The following MTUS2 variants were observed in gnomAD, a reference collection of about 807,000 sequenced individuals.
The protein encoded by MTUS2 is microtubule-associated tumor suppressor candidate 2.
MTUS2 carries 40 observed loss-of-function variants against 114.1 expected under a neutral mutation model. The observed-to-expected ratio is 0.35, with a 90% CI of 0.27 to 0.46. The LOEUF (loss-of-function observed/expected upper bound fraction) is 0.46. Among genes scored for constraint, MTUS2 ranks in the 20% least tolerant of loss-of-function variants. The pLI is 1.00. For synonymous variants in MTUS2, 688 were observed against 672.0 expected (o/e 1.02, Z -0.37); for missense variants, 1,679 against 1,705.4 (o/e 0.98, Z 0.27).
At chr13:29,063,763 C>T (rs894028533) in intron 4 of MTUS2, among the ~76,000 whole-genome samples, 6 of 152,216 alleles carry the variant, frequency 3.9e-5, no homozygotes, top group African/African-American at 1.2e-4. Context: ...CACATCTGCT[C>T]AGTATTTCTG....
chr13:29,271,359 A>G (rs1383328936), intron 5 of MTUS2, among the ~76,000 whole-genome samples: 2 of 152,036 alleles, frequency 1.3e-5, no homozygotes, highest in East Asian at 1.9e-4. Context: ...TTTCCTCCCG[A>G]ATTTTACTCT....
In MTUS2 at chr13:29,348,365, G is replaced by A. The variant is rs575417808; in HGVS notation, c.2906-10897G>A. On this transcript the variant is annotated intron_variant, in intron 7 of 15. Transcript: ENST00000612955. ...TCCATATCACTCAGCAAAGTGCAAG[G>A]CTTTTAGGAGCTCTGTGTCAGAAGT... Among the ~76,000 whole-genome samples the A allele has an allele frequency of 7.9e-3, 1,150 of 145,996 alleles. 14 individuals carry two copies. The highest frequency in any genetic ancestry group is 0.027 in the African/African-American group (1,102 of 40,996).
intron 2 of MTUS2, among the ~76,000 whole-genome samples, chr13:28,991,214 C>T (rs778560119): frequency 6.6e-6 from 1 of 152,110 alleles, no homozygotes; most frequent in Admixed American, 6.6e-5. Context: ...AGTTAGGGTC[C>T]CTGCTGCTCT....
At chr13:29,141,900 C>G (rs9579293) in intron 5 of MTUS2, among the ~76,000 whole-genome samples, 58,352 of 149,580 alleles carry the variant, frequency 0.39, 13,519 homozygotes, top group Non-Finnish European at 0.48. Flanking sequence ...CACGCTGTTG[C>G]CCAGGCTGGA....
chr13:29,487,658 T>G (rs1881723873), intron 10 of MTUS2: 1 of 540,536 alleles, frequency 1.9e-6, no homozygotes, highest in Admixed American at 3.1e-5. Context: ...TCTAAAGAGG[T>G]ACCTCAGGCA....
intron 2 of MTUS2, among the ~76,000 whole-genome samples, chr13:29,010,257 A>T (rs1885780448): frequency 6.6e-6 from 1 of 151,442 alleles, no homozygotes; most frequent in Admixed American, 6.6e-5. Flanking sequence ...ACACACATGC[A>T]CACTTACAGT....
intron 5 of MTUS2, among the ~76,000 whole-genome samples, chr13:29,265,322 C>A (rs2139480039): frequency 6.6e-6 from 1 of 152,202 alleles, no homozygotes; most frequent in East Asian, 1.9e-4. Flanking sequence ...TTTCACTGTC[C>A]ATATCACTAT....
At chr13:29,165,635 A>C (rs980633421) in intron 5 of MTUS2, among the ~76,000 whole-genome samples, 4 of 152,342 alleles carry the variant, frequency 2.6e-5, no homozygotes, top group South Asian at 4.1e-4. Flanking sequence ...TGTGTTTTCA[A>C]ATAAGGGTTT....
intron 2 of MTUS2, among the ~76,000 whole-genome samples, chr13:28,965,396 A>G (rs955749038): frequency 2.0e-5 from 3 of 152,098 alleles, no homozygotes; most frequent in African/African-American, 7.2e-5. Flanking sequence ...ATTCCTGTCT[A>G]CACGGTTTTA....
chr13:29,020,636 G>A (rs1346004965), intron 2 of MTUS2, among the ~76,000 whole-genome samples: 3 of 152,248 alleles, frequency 2.0e-5, no homozygotes, highest in East Asian at 1.9e-4. Context: ...GAACTTCCAC[G>A]TGTTGGTTTC....
intron 5 of MTUS2, among the ~76,000 whole-genome samples, chr13:29,201,998 C>T (rs191556370): frequency 0.011 from 1,644 of 152,228 alleles, 26 homozygotes; most frequent in African/African-American, 0.038. Flanking sequence ...TTGCTCTTCT[C>T]GAGGAGTATC....
intron 2 of MTUS2, among the ~76,000 whole-genome samples, chr13:28,917,208 T>A (rs1202324012): frequency 6.6e-6 from 1 of 152,002 alleles, no homozygotes; most frequent in Non-Finnish European, 1.5e-5. Context: ...ATCAGAGATA[T>A]TGGCCTGTGG....
At chr13:29,031,598 C>T (rs946760219) in intron 3 of MTUS2, among the ~76,000 whole-genome samples, 1 of 151,948 alleles carries the variant, frequency 6.6e-6, no homozygotes, top group Non-Finnish European at 1.5e-5. Context: ...AGGAGTCAGT[C>T]TGTTTTTATT....
chr13:29,153,805 A>T (rs988063423), intron 5 of MTUS2, among the ~76,000 whole-genome samples: 6 of 152,174 alleles, frequency 3.9e-5, no homozygotes, highest in African/African-American at 1.4e-4. Context: ...GTTTCACTTA[A>T]GCTGAAAAAG....
At chr13:29,091,385 T>G (rs1410574584) in intron 4 of MTUS2, among the ~76,000 whole-genome samples, 1 of 152,162 alleles carries the variant, frequency 6.6e-6, no homozygotes, top group Admixed American at 6.5e-5. Context: ...GGTCAGGATT[T>G]TTGTGGCTAC....
intron 9 of MTUS2, among the ~76,000 whole-genome samples, chr13:29,455,531 A>C (rs929592389): frequency 1.3e-5 from 2 of 152,216 alleles, no homozygotes; most frequent in Non-Finnish European, 2.9e-5. Context: ...CAGTAAGTTA[A>C]CTGCCTGCCA....
rs372115905 is a variant in MTUS2, at chr13:29,375,638, TACAC to T, written c.3117+16170_3117+16173del. ...ATATATATATATATATATATATATATACACACACCATGAAATACCACTCAGCTAT... is the reference window on the plus strand; with the variant it reads ...ATATATATATATATATATATATATATACACCATGAAATACCACTCAGCTAT... On this transcript the variant is annotated intron_variant, in intron 8 of 15. Coordinates refer to ENST00000612955, the MANE Select transcript of MTUS2 (RefSeq NM_001033602.4). 8.6e-4 allele frequency among the ~76,000 whole-genome samples: 7 copies of T among 8,172 alleles called. 2 individuals carry two copies. The highest frequency in any genetic ancestry group is 2.0e-3 in the Non-Finnish European group (5 of 2,522). The allele number at this position is 8,172 out of a possible 152,430, so 5.4% of individuals were successfully genotyped here. A position where few individuals can be genotyped will look rare whatever the true frequency, so the allele number is the denominator to read the frequency against.
intron 4 of MTUS2, among the ~76,000 whole-genome samples, chr13:29,086,559 T>C (rs948519048): frequency 6.6e-6 from 1 of 152,250 alleles, no homozygotes; most frequent in Admixed American, 6.5e-5. Flanking sequence ...AATAGTGTTA[T>C]GCCTCCAGCT....
At chr13:29,043,904 C>A (rs1887492373) in intron 4 of MTUS2, among the ~76,000 whole-genome samples, 1 of 151,974 alleles carries the variant, frequency 6.6e-6, no homozygotes, top group South Asian at 2.1e-4. Flanking sequence ...TCTCTCCTGG[C>A]ATTTGTGCTA....
Sources: gnomAD v4.1 joint callset for allele counts (sites outside exome capture counted in the v4.1 genomes callset) on GRCh38, gnomAD v4.1.1 for gene constraint, MANE v1.5 for transcripts, NCBI Gene and HGNC (gene_info 2026-07-23, HGNC 2026-07-21) for gene names.